KANK1: variants seen among roughly 807,000 people sequenced by gnomAD.
The protein encoded by KANK1 is KN motif and ankyrin repeat domains 1.
A neutral mutation model predicts 106.2 loss-of-function variants in KANK1; 109 were observed. The ratio of observed to expected loss-of-function variants is 1.03; its 90% CI spans 0.88 to 1.20. The LOEUF (loss-of-function observed/expected upper bound fraction) is 1.20. KANK1 is among the 50% of genes most tolerant of loss of function. The pLI, the probability that KANK1 is intolerant of heterozygous loss-of-function variation, is 0.00. For synonymous variants in KANK1, 873 were observed against 652.2 expected (o/e 1.34, Z -5.16); for missense variants, 2,399 against 1,710.7 (o/e 1.40, Z -7.10).
chr9:522,737 T>C (rs1389153769), intron 1 of KANK1, among the ~76,000 whole-genome samples: 1 of 151,626 alleles, frequency 6.6e-6, no homozygotes, highest in Non-Finnish European at 1.5e-5. Flanking sequence ...TCTCATAGAA[T>C]TCTGTAAACT....
chr9:736,248 C>G (rs13283614), intron 7 of KANK1, among the ~76,000 whole-genome samples: 1 of 151,998 alleles, frequency 6.6e-6, no homozygotes, highest in Non-Finnish European at 1.5e-5. Flanking sequence ...CATGACCCAC[C>G]GCGCCTGGCC....
At chr9:732,040 G>T (rs919727010) in intron 5 of KANK1, 15 of 184,904 alleles carry the variant, frequency 8.1e-5, no homozygotes, top group Non-Finnish European at 1.1e-5. Flanking sequence ...GATGAAATAG[G>T]AAGACATGGG....
intron 1 of KANK1, among the ~76,000 whole-genome samples, chr9:554,484 G>C (rs1485139493): frequency 6.6e-6 from 1 of 152,162 alleles, no homozygotes; most frequent in Admixed American, 6.5e-5. Flanking sequence ...GCGGTTTGTG[G>C]CCAGTGCTTA....
Position 604,444 on chromosome 9 carries a change from T to C in KANK1, c.-83-72446T>C, listed in dbSNP as rs140072926. 2.0e-5 allele frequency among the ~76,000 whole-genome samples: 3 copies of C among 151,846 alleles called. No individual in the cohort carries two copies. The East Asian group carries it at 5.8e-4, about 29-fold the overall frequency. Reference sequence around the variant, plus strand: ...TGAGATCTAATGGTTTAAAAGTGTTTGGCAGTTTCACCCTTGCACCCATGT... The same window carrying C: ...TGAGATCTAATGGTTTAAAAGTGTTCGGCAGTTTCACCCTTGCACCCATGT... On this transcript the variant is annotated intron_variant, in intron 1 of 11. Transcript: ENST00000382297.
intron 1 of KANK1, among the ~76,000 whole-genome samples, chr9:641,565 C>G (rs752130318): frequency 1.4e-4 from 21 of 152,316 alleles, no homozygotes; most frequent in Middle Eastern, 3.4e-3. Flanking sequence ...GCATATTACC[C>G]TGTACTGAAG....
chr9:556,940 A>G (rs2061626474), intron 1 of KANK1, among the ~76,000 whole-genome samples: 1 of 152,162 alleles, frequency 6.6e-6, no homozygotes, highest in South Asian at 2.1e-4. Flanking sequence ...TTGAGATGAT[A>G]AAAATTTGAA....
chr9:697,950 C>T (rs1438726249), intron 2 of KANK1, among the ~76,000 whole-genome samples: 2 of 152,144 alleles, frequency 1.3e-5, no homozygotes, highest in Non-Finnish European at 2.9e-5. Context: ...GCAACAAGAT[C>T]TGTGGTAGGC....
intron 1 of KANK1, among the ~76,000 whole-genome samples, chr9:556,485 T>A (rs1292419528): frequency 6.6e-6 from 1 of 152,184 alleles, no homozygotes; most frequent in Non-Finnish European, 1.5e-5. Flanking sequence ...TTATAATTAT[T>A]AAAGTGCTAT....
intron 1 of KANK1, among the ~76,000 whole-genome samples, chr9:512,301 G>C (rs1319499305): frequency 6.6e-6 from 1 of 151,804 alleles, no homozygotes; most frequent in Non-Finnish European, 1.5e-5. Context: ...GACTTATTCA[G>C]TTTGGAGGCG....
At chr9:553,032 G>A (rs10975118) in intron 1 of KANK1, among the ~76,000 whole-genome samples, 1 of 152,018 alleles carries the variant, frequency 6.6e-6, no homozygotes, top group African/African-American at 2.4e-5. Context: ...TGTAATCCCA[G>A]CTACTTGGGA....
At chr9:718,953 C>CTTTTTTTTTTTTT (rs35097931) in intron 3 of KANK1, among the ~76,000 whole-genome samples, 1 of 78,280 alleles carries the variant, frequency 1.3e-5, no homozygotes, top group Non-Finnish European at 2.3e-5. Context: ...TGCTCGAGCC[C>CTTTTTTTTTTTTT]TTTTTTTTTT....
intron 1 of KANK1, among the ~76,000 whole-genome samples, chr9:591,559 C>G (rs1038507717): frequency 1.3e-5 from 2 of 151,856 alleles, no homozygotes; most frequent in African/African-American, 4.9e-5. Flanking sequence ...AGGGAATATG[C>G]CAACCTCCTT....
chr9:580,073 C>A (rs546129362), intron 1 of KANK1, among the ~76,000 whole-genome samples: 51 of 152,244 alleles, frequency 3.3e-4, no homozygotes, highest in African/African-American at 1.2e-3. Context: ...GAAGTTTGTT[C>A]CTTCTGATGT....
chr9:741,519 ATT>A (rs1835515369), intron 9 of KANK1, among the ~76,000 whole-genome samples: 1 of 131,882 alleles, frequency 7.6e-6, no homozygotes, highest in South Asian at 2.4e-4. Flanking sequence ...ACTAAGTCTC[ATT>A]CTGTCACCCA....
chr9:497,496 T>C (rs10120656), intron 3 of KANK1, among the ~76,000 whole-genome samples: 5,963 of 152,002 alleles, frequency 0.039, 380 homozygotes, highest in African/African-American at 0.14. Context: ...GTTCAAGAAT[T>C]CTTCTCTCAC....
At chr9:562,273 C>T (rs939623901) in intron 1 of KANK1, among the ~76,000 whole-genome samples, 2 of 151,112 alleles carry the variant, frequency 1.3e-5, no homozygotes, top group African/African-American at 2.4e-5. Context: ...AGGATGGTCT[C>T]GATCTCCTGA....
At chr9:503,599 G>A (rs988653762), upstream of KANK1, among the ~76,000 whole-genome samples, 1 of 152,190 alleles carries the variant, frequency 6.6e-6, no homozygotes, top group African/African-American at 2.4e-5. Context: ...CGCCCTGCTG[G>A]ATGTGTGCGG....
intron 1 of KANK1, among the ~76,000 whole-genome samples, chr9:626,808 A>G (rs1331747228): frequency 6.6e-6 from 1 of 152,270 alleles, no homozygotes; most frequent in Non-Finnish European, 1.5e-5. Flanking sequence ...AAACTAGGAT[A>G]CAAGCTGTAA....
chr9:666,769 T>C (rs1043847428), intron 1 of KANK1, among the ~76,000 whole-genome samples: 1 of 152,194 alleles, frequency 6.6e-6, no homozygotes, highest in Non-Finnish European at 1.5e-5. Flanking sequence ...GAACCATCTT[T>C]GCATCCCTGG....
Sources: allele counts gnomAD v4.1 joint callset (sites outside exome capture counted in the v4.1 genomes callset), GRCh38; gene constraint gnomAD v4.1.1; transcripts MANE v1.5; gene names NCBI Gene and HGNC (gene_info 2026-07-23, HGNC 2026-07-21).